HECTD3: variants seen among roughly 807,000 people sequenced by gnomAD.
HECTD3 encodes E3 ubiquitin-protein ligase HECTD3.
A neutral mutation model predicts 109.3 loss-of-function variants in HECTD3; 72 were observed. That is an observed-to-expected ratio of 0.66 (90% CI 0.54 to 0.80). HECTD3 has a LOEUF of 0.80. Among genes scored for constraint, HECTD3 ranks in the 30% least tolerant of loss-of-function variants. The pLI is 0.00. For synonymous variants in HECTD3, 481 were observed against 471.8 expected, an observed-to-expected ratio of 1.02 and a Z score of -0.25; for missense variants, 1,041 against 1,165.2, an observed-to-expected ratio of 0.89 and a Z score of 1.55.
rs1309895824 is a variant in HECTD3 at position 45,011,284 on chromosome 1, G to C, written c.-27C>G. On this transcript the variant is annotated 5_prime_UTR_variant, in exon 1 of 21. Transcript: ENST00000372172. Reference sequence around the variant, plus strand: ...GCGAAGTGGCGGAGGTGAGCACCTAGAGGCGACCCTGCCCGGGGAACAGCT... The same window carrying C: ...GCGAAGTGGCGGAGGTGAGCACCTACAGGCGACCCTGCCCGGGGAACAGCT... 3 of 1,352,636 alleles carry C rather than the reference G, an allele frequency of 2.2e-6. No homozygotes were observed. In the South Asian group the frequency reaches 5.4e-5, roughly 24 times the overall value. 83.8% of individuals were successfully genotyped at this position (1,352,636 alleles called of 1,614,324 possible).
intron 15 of HECTD3, 139 bp downstream of exon 15, chr1:45,005,655 A>G (rs1160854862): frequency 1.5e-6 from 1 of 649,370 alleles, no homozygotes; most frequent in Admixed American, 3.1e-5. Flanking sequence ...GAGTCTACAG[A>G]CAGTAGTTGA....
Position 45,003,418 on chromosome 1 carries a change from G to T in HECTD3, c.*74C>A. The stretch of plus-strand genomic sequence containing the variant: ...AGCACGTCAGCCAAACCAGGGCAGG[G>T]AAGGTGTCTTCGCCCTGGGCAAGGC... On this transcript the variant is annotated 3_prime_UTR_variant, in exon 21 of 21. Transcript: ENST00000372172. The surrounding 1 kb of genome is among the most constrained non-coding windows in gnomAD (Gnocchi z 4.7). 7.5e-7 allele frequency: 1 copy of T among 1,339,894 alleles called. No individual in the cohort carries two copies. Among genetic ancestry groups the T allele is most frequent in the Non-Finnish European group, 1.1e-6 (1 of 935,178 alleles). 83.0% of individuals were successfully genotyped at this position (1,339,894 alleles called of 1,614,324 possible).
chr1:45,005,685 T>C (rs1644729296), intron 15 of HECTD3, 109 bp downstream of exon 15: 3 of 848,084 alleles, frequency 3.5e-6, no homozygotes, highest in Non-Finnish European at 5.5e-6. Context: ...AGTGGATGGA[T>C]TGGAGAGGGA....
At position 45,003,567 on chromosome 1, in the gene HECTD3, T is replaced by A; in HGVS notation, c.2511A>T (p.Val837=). 6.2e-7 allele frequency: 1 copy of A among 1,614,192 alleles called. No homozygotes were observed. Among genetic ancestry groups the A allele is most frequent in the Non-Finnish European group, 8.5e-7 (1 of 1,180,014 alleles). ...CCGCATAGCGGAGCTTCTCCTCGCA[T>A]ACCTTGGCACTGTGGGAATGGGGAC... The part of the protein sequence containing the change: ...LFLPHYASAK[V]CEEKLRYAAY... Residue 837 remains valine (V), a synonymous_variant, in exon 21 of 21, where the codon GTA becomes GTT. Transcript: ENST00000372172. This position sits in a 1 kb window ranked among gnomAD's most constrained non-coding sequence, Gnocchi z 4.7.
At chr1:45,010,831 C>T in intron 1 of HECTD3, 58 bp downstream of exon 1, 1 of 1,505,782 alleles carries the variant, frequency 6.6e-7, no homozygotes, top group South Asian at 1.3e-5. Context: ...GGCAAACAGC[C>T]AGAGGTTTCT....
intron 7 of HECTD3, 121 bp downstream of exon 7, chr1:45,009,023 G>A: frequency 1.2e-6 from 1 of 831,872 alleles, no homozygotes; most frequent in Non-Finnish European, 2.0e-6. Flanking sequence ...AAATCCTGGA[G>A]TTAGTTCAGC....
chr1:45,011,114 G>C lies in HECTD3; in HGVS notation c.144C>G (p.Leu48=), dbSNP rs757066046. 1 of 1,513,370 alleles carries C rather than the reference G, an allele frequency of 6.6e-7. No homozygotes were observed. Among genetic ancestry groups the C allele is most frequent in the Non-Finnish European group, 8.8e-7 (1 of 1,138,632 alleles). 93.7% of individuals were successfully genotyped at this position (1,513,370 alleles called of 1,614,324 possible). A position where few individuals can be genotyped will look rare whatever the true frequency, so the allele number is the denominator to read the frequency against. Reference sequence around the variant, plus strand: ...CCGCTGGGTCCTTGTAAAGCTTGTAGAGCACCTCTCGCGGCACGAAAGCCA... The same window carrying C: ...CCGCTGGGTCCTTGTAAAGCTTGTACAGCACCTCTCGCGGCACGAAAGCCA... The part of the protein sequence containing the change: ...AALAFVPREV[L]YKLYKDPAGP... The change falls in exon 1 of 21, where the codon CTC becomes CTG. Residue 48 remains leucine, a synonymous_variant. Coordinates refer to ENST00000372172, the MANE Select transcript of HECTD3 (RefSeq NM_024602.6).
Position 45,003,822 on chromosome 1 carries a change from C to A in HECTD3, c.2429+33G>T. 1 of 1,610,762 alleles carries A rather than the reference C, an allele frequency of 6.2e-7. No individual in the cohort carries two copies. The highest frequency in any genetic ancestry group is 1.1e-5 in the South Asian group (1 of 90,952). Reference sequence around the variant, plus strand: ...GTGGGGAGGGAGGACAGAAGGCGGCCATGGCACCTTCAGGCCTCCCTCCAG... The same window carrying A: ...GTGGGGAGGGAGGACAGAAGGCGGCAATGGCACCTTCAGGCCTCCCTCCAG... On this transcript the variant is annotated intron_variant, in intron 19 of 20. Coordinates refer to ENST00000372172, the MANE Select transcript of HECTD3 (RefSeq NM_024602.6). The surrounding 1 kb of genome is among the most constrained non-coding windows in gnomAD (Gnocchi z 4.7).
chr1:45,010,610 C>G lies in HECTD3; in HGVS notation c.466G>C (p.Asp156His). 6.2e-7 allele frequency: 1 copy of G among 1,612,910 alleles called. No homozygotes were observed. The highest frequency in any genetic ancestry group is 8.5e-7 in the Non-Finnish European group (1 of 1,179,898). ...AEGGARLVPI[D>H]TPNHLQRQQQ... The stretch of plus-strand genomic sequence containing the variant: ...TGCCGCTGGAGGTGGTTGGGAGTGT[C>G]GATGGGTACCAGGCGGGCTCCGCCC... Residue 156 changes from aspartate (D) to histidine (H), a missense_variant, in exon 2 of 21, where the codon GAC becomes CAC. Transcript: ENST00000372172.
Position 45,009,945 on chromosome 1 carries a change from G to C in HECTD3, c.759+41C>G, listed in dbSNP as rs1644769532. 2.0e-6 allele frequency: 3 copies of C among 1,517,582 alleles called. No individual in the cohort carries two copies. In the South Asian group the frequency reaches 4.0e-5, roughly 20 times the overall value. The allele number at this position is 1,517,582 out of a possible 1,614,324, so 94.0% of individuals were successfully genotyped here. A position where few individuals can be genotyped will look rare whatever the true frequency, so the allele number is the denominator to read the frequency against. ...TTCTGGATCTAGCCTTGAGGGGTGT[G>C]ACTATATCTTGCCTGGGGTGGGAGG... On this transcript the variant is annotated intron_variant, in intron 4 of 20. Coordinates refer to ENST00000372172, the MANE Select transcript of HECTD3 (RefSeq NM_024602.6).
Position 45,011,228 on chromosome 1 carries a change from C to T in HECTD3, c.30G>A (p.Leu10=), listed in dbSNP as rs1644790899. ...GGCCCAGCAGCTGCCGGGGGGACTC[C>T]AGCACCGCGCCCGGGCCAGGACCCG... MAGPGPGAV[L]ESPRQLLGRV... is the part of the protein sequence containing the mutation. The change falls in exon 1 of 21, where the codon CTG becomes CTA. Residue 10 remains leucine, a synonymous_variant. Transcript: ENST00000372172. 7.2e-6 allele frequency: 10 copies of T among 1,391,686 alleles called. No individual in the cohort carries two copies. Among genetic ancestry groups the T allele is most frequent in the Non-Finnish European group, 9.2e-6 (10 of 1,081,776 alleles). The allele number at this position is 1,391,686 out of a possible 1,614,324, so 86.2% of individuals were successfully genotyped here. A position where few individuals can be genotyped will look rare whatever the true frequency, so the allele number is the denominator to read the frequency against.
chr1:45,004,978 A>G, intron 15 of HECTD3, 172 bp from the exon 16 acceptor site: 1 of 649,284 alleles, frequency 1.5e-6, no homozygotes, highest in Non-Finnish European at 2.8e-6. Flanking sequence ...GACAACACCT[A>G]ACCAGCCTTG....
chr1:45,010,031 A>C lies in HECTD3; in HGVS notation c.714T>G (p.Gly238=). 1 of 1,560,584 alleles carries C rather than the reference A, an allele frequency of 6.4e-7. No individual in the cohort carries two copies. Among genetic ancestry groups the C allele is most frequent in the Non-Finnish European group, 8.7e-7 (1 of 1,149,660 alleles). ...TGCTCTCCACATACTGCTTCACGCT[A>C]CCCAGGTTCTCATCCTCCTTGCCCA... ...DHLGKEDENL[G]SVKQYVESID... Residue 238 remains glycine, a synonymous_variant, in exon 4 of 21, where the codon GGT becomes GGG. Transcript: ENST00000372172.
Position 45,011,167 on chromosome 1 carries a change from G to A in HECTD3, c.91C>T (p.Arg31Cys). 1 of 1,495,216 alleles carries A rather than the reference G, an allele frequency of 6.7e-7. No individual in the cohort carries two copies. The highest frequency in any genetic ancestry group is 1.5e-5 in the African/African-American group (1 of 68,804). 92.6% of individuals were successfully genotyped at this position (1,495,216 alleles called of 1,614,324 possible). A position where few individuals can be genotyped will look rare whatever the true frequency, so the allele number is the denominator to read the frequency against. Residue 31 changes from arginine (R) to cysteine (C), a missense_variant, in exon 1 of 21, where the codon CGC (arginine) becomes TGC (cysteine). This residue lies in a region of HECTD3 where 472 missense variants were observed against 449.9 expected (regional missense o/e 1.05). Coordinates refer to ENST00000372172, the MANE Select transcript of HECTD3 (RefSeq NM_024602.6). Reference protein sequence around the residue: ...RFLAEAARSLRAGRPLPAALA... With the variant: ...RFLAEAARSLCAGRPLPAALA... ...GCTGCTGGCAGCGGCCGCCCGGCGC[G>A]GAGGCTCCGCGCTGCCTCTGCCAAG...
In HECTD3 at chr1:45,009,127, A is replaced by G; in HGVS notation, c.1072+17T>C. ...CACGCCGGGCTCTCTTTCCCTCCTT[A>G]TAGCCTTAAACCTCACCTCGGCACT... On this transcript the variant is annotated intron_variant, in intron 7 of 20. Coordinates refer to ENST00000372172, the MANE Select transcript of HECTD3 (RefSeq NM_024602.6). 1 of 1,606,240 alleles carries G rather than the reference A, an allele frequency of 6.2e-7. No homozygotes were observed. The highest frequency in any genetic ancestry group is 8.5e-7 in the Non-Finnish European group (1 of 1,173,106).
rs375684641 is a variant in HECTD3, at chr1:45,004,291, C to T, written c.2229G>A (p.Val743=). The T allele has an allele frequency of 5.0e-6, 8 of 1,614,076 alleles. No individual in the cohort carries two copies. Among genetic ancestry groups the T allele is most frequent in the South Asian group, 4.4e-5 (4 of 91,088 alleles). The change falls in exon 17 of 21, where the codon GTG becomes GTA. Residue 743 remains valine (V), a synonymous_variant. Transcript: ENST00000372172. ...CCACAGTGACCTCTGGATCCCCACA[C>T]ACTTTCTTCTCCAACTCTTGCCAGG... ...LLTWQELEKK[V]CGDPEVTVDA...
At position 45,006,486 on chromosome 1, in the gene HECTD3, T is replaced by C. The variant is rs1331286028; in HGVS notation, c.1725+206A>G. Among the ~76,000 whole-genome samples, 2 of 152,146 alleles carry C rather than the reference T, an allele frequency of 1.3e-5. No homozygotes were observed. The highest frequency in any genetic ancestry group is 2.1e-4 in the South Asian group (1 of 4,818). On this transcript the variant is annotated intron_variant, in intron 13 of 20. Coordinates refer to ENST00000372172, the MANE Select transcript of HECTD3 (RefSeq NM_024602.6). The surrounding 1 kb of genome is among the most constrained non-coding windows in gnomAD (Gnocchi z 4.7). ...ACGCCCGGCTAATTTTTTATTTTTATAGAGATGGGGCTTCACTTCATTGGC... is the reference window on the plus strand; with the variant it reads ...ACGCCCGGCTAATTTTTTATTTTTACAGAGATGGGGCTTCACTTCATTGGC...
At chr1:45,007,077 T>C in intron 11 of HECTD3, 62 bp from the exon 12 acceptor site, 1 of 1,597,334 alleles carries the variant, frequency 6.3e-7, no homozygotes, top group Admixed American at 1.7e-5. Context: ...ATTCATCAGC[T>C]CAGAGACCAC....
chr1:45,007,460 C>G lies in HECTD3; in HGVS notation c.1456G>C (p.Ala486Pro). Residue 486 changes from alanine (A) to proline (P), a missense_variant, in exon 10 of 21, where the codon GCC becomes CCC. Physicochemically the swap from Ala to Pro is conservative, Grantham distance 27. Around this residue, in one of 2 missense-constraint regions of HECTD3, gnomAD observed 569 missense variants for 715.3 expected, o/e 0.80. Transcript: ENST00000372172. ...CAGGCAGGGTCTCGAGAGGGGCAGG[C>G]ACGGTGTTCCATGGCAAGACGGCGG... Reference protein sequence around the residue: ...INRRLAMEHRACPSRDPACKN... With the variant: ...INRRLAMEHRPCPSRDPACKN... 6.2e-7 allele frequency: 1 copy of G among 1,614,108 alleles called. No homozygotes were observed. Among genetic ancestry groups the G allele is most frequent in the Non-Finnish European group, 8.5e-7 (1 of 1,180,036 alleles).
Sources: allele counts gnomAD v4.1 joint callset (sites outside exome capture counted in the v4.1 genomes callset), GRCh38; gene constraint gnomAD v4.1.1; regional missense constraint gnomAD v4.1.1; non-coding constraint Gnocchi (gnomAD v3.1); transcripts MANE v1.5; gene names NCBI Gene and HGNC (gene_info 2026-07-23, HGNC 2026-07-21).